The following ZNF385B variants were observed in gnomAD, a reference collection of about 807,000 sequenced individuals.
The protein encoded by ZNF385B is zinc finger protein 533.
ZNF385B carries 23 observed loss-of-function variants against 39.2 expected under a neutral mutation model. The ratio of observed to expected loss-of-function variants is 0.59; its 90% CI spans 0.42 to 0.83. ZNF385B has a LOEUF of 0.83. Among genes scored for constraint, ZNF385B ranks in the 40% least tolerant of loss-of-function variants. The pLI is 0.00. For synonymous variants in ZNF385B, 205 were observed against 222.6 expected (o/e 0.92, Z 0.70); for missense variants, 552 against 598.9 (o/e 0.92, Z 0.82).
In ZNF385B at chr2:179,483,323, T is replaced by A; in HGVS notation, c.664A>T (p.Asn222Tyr). The A allele has an allele frequency of 2.5e-6, 4 of 1,613,990 alleles. No homozygotes were observed. The highest frequency in any genetic ancestry group is 1.7e-6 in the Non-Finnish European group (2 of 1,179,928). Residue 222 changes from asparagine (N) to tyrosine (Y), a missense_variant, in exon 6 of 10, where the codon AAT (asparagine) becomes TAT (tyrosine). Physicochemically the swap from Asn to Tyr is moderately radical, Grantham distance 143 (BLOSUM62 -2). Transcript: ENST00000410066. ...ATTGGAGTGATGGAGCAGCTGGGATTAGCCTTTGCGCTGTCCTTGGAAGGA... is the reference window on the plus strand; with the variant it reads ...ATTGGAGTGATGGAGCAGCTGGGATAAGCCTTTGCGCTGTCCTTGGAAGGA... Reference protein sequence around the residue: ...MVPSKDSAKANPSCSITPITG... With the variant: ...MVPSKDSAKAYPSCSITPITG...
intron 1 of ZNF385B, among the ~76,000 whole-genome samples, chr2:179,780,277 CA>C (rs1484955717): frequency 6.6e-6 from 1 of 152,146 alleles, no homozygotes; most frequent in African/African-American, 2.4e-5. Context: ...AGAAAAGACA[CA>C]AAAGTCCAGG....
chr2:179,720,368 G>A (rs1700603469), intron 3 of ZNF385B, among the ~76,000 whole-genome samples: 1 of 132,712 alleles, frequency 7.5e-6, no homozygotes, highest in Non-Finnish European at 1.6e-5. Flanking sequence ...CCAAAAGCAT[G>A]AAAAAGGAGT....
At chr2:179,743,611 CA>C (rs1702203909) in intron 3 of ZNF385B, among the ~76,000 whole-genome samples, 1 of 151,980 alleles carries the variant, frequency 6.6e-6, no homozygotes, top group African/African-American at 2.4e-5. Flanking sequence ...AGAATCAGCA[CA>C]AAAATAAATA....
chr2:179,445,628 C>CT lies in ZNF385B; in HGVS notation c.1061dup (p.Ser356ValfsTer11). The CT allele has an allele frequency of 6.2e-7, 1 of 1,614,012 alleles. No homozygotes were observed. The highest frequency in any genetic ancestry group is 8.5e-7 in the Non-Finnish European group (1 of 1,179,942). On this transcript the variant is annotated frameshift_variant, in exon 8 of 10. Transcript: ENST00000410066. LOFTEE classifies it high-confidence loss of function. ...ATGTCTTGTTCTGTAGTCCTGACCC[C>CT]TTACTGCCATTCTGCATCTTTAATC...
intron 3 of ZNF385B, among the ~76,000 whole-genome samples, chr2:179,752,267 T>A (rs573239409): frequency 1.3e-5 from 2 of 152,364 alleles, no homozygotes; most frequent in East Asian, 1.9e-4. Context: ...CGTGAACTCA[T>A]CATTTTTTAT....
At chr2:179,790,642 G>T (rs1246794342) in intron 1 of ZNF385B, among the ~76,000 whole-genome samples, 1 of 152,164 alleles carries the variant, frequency 6.6e-6, no homozygotes, top group Non-Finnish European at 1.5e-5. Context: ...AGGAACAGGA[G>T]AACAGTACTA....
intron 3 of ZNF385B, among the ~76,000 whole-genome samples, chr2:179,634,768 C>T (rs9752925): frequency 0.38 from 58,263 of 151,944 alleles, 11,353 homozygotes; most frequent in African/African-American, 0.46. Context: ...GTTTATTGCG[C>T]CACTATTCAC....
chr2:179,536,951 A>C (rs1441364780), intron 4 of ZNF385B, among the ~76,000 whole-genome samples: 2 of 152,214 alleles, frequency 1.3e-5, no homozygotes, highest in African/African-American at 4.8e-5. Context: ...TTAGTAAGAT[A>C]AATCTTGAGG....
chr2:179,804,887 T>C (rs1223929073), intron 1 of ZNF385B, among the ~76,000 whole-genome samples: 2 of 152,196 alleles, frequency 1.3e-5, no homozygotes, highest in Non-Finnish European at 2.9e-5. Flanking sequence ...GCCCTTCTCA[T>C]TCCTCAAAGT....
chr2:179,674,391 A>G (rs1696465601), intron 3 of ZNF385B, among the ~76,000 whole-genome samples: 1 of 152,166 alleles, frequency 6.6e-6, no homozygotes, highest in Admixed American at 6.5e-5. Context: ...ATAATATTTA[A>G]TTTGTCAAAA....
intron 1 of ZNF385B, among the ~76,000 whole-genome samples, chr2:179,843,690 C>T (rs967481241): frequency 3.3e-5 from 5 of 152,202 alleles, no homozygotes; most frequent in African/African-American, 1.2e-4. Flanking sequence ...CAGTTCAATG[C>T]TACAACCCAT....
chr2:179,696,933 C>T (rs1515292), intron 3 of ZNF385B, among the ~76,000 whole-genome samples: 42,553 of 151,920 alleles, frequency 0.28, 6,342 homozygotes, highest in Non-Finnish European at 0.34. Flanking sequence ...AACCACAATG[C>T]CGAAGCTTGG....
intron 6 of ZNF385B, among the ~76,000 whole-genome samples, chr2:179,470,891 T>A (rs976468739): frequency 2.4e-5 from 1 of 42,046 alleles, no homozygotes; most frequent in Admixed American, 2.5e-4. Context: ...ACAAACAAAC[T>A]GGATGAGGTT....
intron 1 of ZNF385B, among the ~76,000 whole-genome samples, chr2:179,853,227 A>G (rs1432433884): frequency 6.6e-6 from 1 of 152,232 alleles, no homozygotes; most frequent in Non-Finnish European, 1.5e-5. Flanking sequence ...TAGTGCCTGA[A>G]AAAAAGACTG....
intron 5 of ZNF385B, among the ~76,000 whole-genome samples, chr2:179,494,470 G>C (rs140253014): frequency 2.6e-5 from 4 of 152,024 alleles, no homozygotes; most frequent in Admixed American, 1.3e-4. Flanking sequence ...AATCAGAAAG[G>C]CTTCAAAAAC....
At chr2:179,767,680 G>A (rs1703784694) in intron 3 of ZNF385B, among the ~76,000 whole-genome samples, 1 of 152,066 alleles carries the variant, frequency 6.6e-6, no homozygotes, top group South Asian at 2.1e-4. Context: ...AGTAGATAGT[G>A]TACGCATGCA....
intron 6 of ZNF385B, among the ~76,000 whole-genome samples, chr2:179,464,282 C>T (rs1401976929): frequency 6.6e-6 from 1 of 152,156 alleles, no homozygotes; most frequent in Non-Finnish European, 1.5e-5. Context: ...CAAAAATTTT[C>T]TCCCATTCTG....
At chr2:179,684,809 C>T (rs1015578445) in intron 3 of ZNF385B, among the ~76,000 whole-genome samples, 5 of 152,168 alleles carry the variant, frequency 3.3e-5, no homozygotes, top group African/African-American at 1.2e-4. Context: ...GGCAACCTAC[C>T]CTCTCCGAGG....
chr2:179,624,343 T>C (rs1263223216), intron 3 of ZNF385B, among the ~76,000 whole-genome samples: 2 of 152,152 alleles, frequency 1.3e-5, no homozygotes, highest in African/African-American at 4.8e-5. Context: ...GGATGTTCTT[T>C]ACTATGAACT....
Sources: gnomAD v4.1 joint callset for allele counts (sites outside exome capture counted in the v4.1 genomes callset) on GRCh38, gnomAD v4.1.1 for gene constraint, MANE v1.5 for transcripts, NCBI Gene and HGNC (gene_info 2026-07-23, HGNC 2026-07-21) for gene names.